Variants in MIA3 observed in about 807,000 individuals in gnomAD.
The protein encoded by MIA3 is transport and Golgi organization protein 1 homolog.
In MIA3, 90 loss-of-function variants were observed where a neutral mutation model predicts 192.4. The ratio of observed to expected loss-of-function variants is 0.47; its 90% CI spans 0.39 to 0.56. The LOEUF is 0.56. Among genes scored for constraint, MIA3 ranks in the 20% least tolerant of loss-of-function variants. The pLI is 0.00. For synonymous variants in MIA3, 740 were observed against 792.8 expected, an observed-to-expected ratio of 0.93 and a Z score of 1.12; for missense variants, 2,123 against 2,269.4, an observed-to-expected ratio of 0.94 and a Z score of 1.31.
intron 6 of MIA3, among the ~76,000 whole-genome samples, chr1:222,643,743 C>G (rs781709182): frequency 8.6e-5 from 13 of 151,898 alleles, no homozygotes; most frequent in Non-Finnish European, 1.5e-4. Context: ...CCAGCCTGGG[C>G]AACATAGGGA....
intron 6 of MIA3, chr1:222,641,899 A>G (rs1662878443): frequency 4.5e-6 from 2 of 449,322 alleles, no homozygotes; most frequent in African/African-American, 2.0e-5. Context: ...AAAATCAAAT[A>G]TCTATCTATA....
chr1:222,629,348 A>G lies in MIA3; in HGVS notation c.2128A>G (p.Ser710Gly), dbSNP rs760055324. The part of the protein sequence containing the change: ...TEVGQTDQTD[S>G]TGGPAFLSKV... ...GGTAGGACAGACAGACCAAACTGAC[A>G]GCACAGGAGGACCAGCTTTCCTTTC... Residue 710 changes from serine (S) to glycine (G), a missense_variant, in exon 4 of 28, where the codon AGC becomes GGC. Physicochemically the swap from Ser to Gly is moderately conservative, Grantham distance 56 (BLOSUM62 0). Around this residue, in one of 3 missense-constraint regions of MIA3, gnomAD observed 1,357 missense variants for 1,396.1 expected, o/e 0.97. Transcript: ENST00000344922. 3 of 1,614,214 alleles carry G rather than the reference A, an allele frequency of 1.9e-6. No individual in the cohort carries two copies. Among genetic ancestry groups the G allele is most frequent in the Non-Finnish European group, 2.5e-6 (3 of 1,180,028 alleles).
In MIA3 at chr1:222,650,809, T is replaced by C. The variant is rs944336646; in HGVS notation, c.3815T>C (p.Leu1272Pro). The C allele has an allele frequency of 1.3e-5, 21 of 1,607,564 alleles. No individual in the cohort carries two copies. Among genetic ancestry groups the C allele is most frequent in the Non-Finnish European group, 1.8e-5 (21 of 1,176,800 alleles). ...TTTTTGTAGGATAAAATCAAGACAC[T>C]TGAAAAAAATCAGGAAATTCTGGAT... is the stretch of plus-strand genomic sequence containing the variant. ...AIKYKDKIKT[L>P]EKNQEILDDT... is the part of the protein sequence containing the mutation. Residue 1272 changes from leucine to proline, a missense_variant, in exon 11 of 28, where the codon CTT becomes CCT. Physicochemically the swap from Leu to Pro is moderately conservative, Grantham distance 98. Coordinates refer to ENST00000344922, the MANE Select transcript of MIA3 (RefSeq NM_198551.4).
Position 222,652,340 on chromosome 1 carries a change from A to G in MIA3, c.4086+8A>G. 6.4e-7 allele frequency: 1 copy of G among 1,569,970 alleles called. No individual in the cohort carries two copies. Among genetic ancestry groups the G allele is most frequent in the South Asian group, 1.1e-5 (1 of 90,258 alleles). On this transcript the variant is annotated splice_region_variant and intron_variant, in intron 13 of 27. Transcript: ENST00000344922. ...AAGAAGAAAAAAGAGCAGGTAAAGG[A>G]AAGTGCGTGTCCCAGGTCATGTAAA...
chr1:222,666,447 T>C lies in MIA3; in HGVS notation c.*828T>C, dbSNP rs1190167253. The C allele has an allele frequency of 6.6e-6, 1 of 152,160 alleles. No individual in the cohort carries two copies. Among genetic ancestry groups the C allele is most frequent in the Non-Finnish European group, 1.5e-5 (1 of 68,038 alleles). 9.4% of individuals were successfully genotyped at this position (152,160 alleles called of 1,614,324 possible). ...GATGTTCCATTGTTTTTACCATTCCTGTAGAAAAAGGGTGCACAACAGAAA... is the reference window on the plus strand; with the variant it reads ...GATGTTCCATTGTTTTTACCATTCCCGTAGAAAAAGGGTGCACAACAGAAA... On this transcript the variant is annotated 3_prime_UTR_variant, in exon 28 of 28. Coordinates refer to ENST00000344922, the MANE Select transcript of MIA3 (RefSeq NM_198551.4).
chr1:222,656,937 A>G (rs1365790441), intron 18 of MIA3, among the ~76,000 whole-genome samples: 2 of 152,148 alleles, frequency 1.3e-5, no homozygotes, highest in Non-Finnish European at 2.9e-5. Context: ...ACTTCCTTCA[A>G]TTTGTAAGGC....
intron 6 of MIA3, among the ~76,000 whole-genome samples, chr1:222,635,799 T>G (rs1662597937): frequency 6.6e-6 from 1 of 152,150 alleles, no homozygotes; most frequent in Non-Finnish European, 1.5e-5. Flanking sequence ...TTCTCAGTAG[T>G]CACAGCAATT....
intron 7 of MIA3, chr1:222,648,017 A>G: frequency 3.8e-6 from 1 of 260,312 alleles, no homozygotes; most frequent in African/African-American, 2.2e-5. Context: ...TCTCATCAAC[A>G]TAACATTTGA....
At chr1:222,635,131 T>C (rs79773217) in intron 6 of MIA3, among the ~76,000 whole-genome samples, 3,562 of 152,334 alleles carry the variant, frequency 0.023, 126 homozygotes, top group African/African-American at 0.081. Flanking sequence ...TCATGTTTGT[T>C]CTGGTGATAG....
chr1:222,627,459 A>C (rs1662171069), intron 3 of MIA3, 116 bp from the exon 4 acceptor site: 1 of 901,018 alleles, frequency 1.1e-6, no homozygotes, highest in African/African-American at 1.7e-5. Context: ...TGTTGACGCA[A>C]AAGCTCCTCT....
chr1:222,649,909 C>G (rs1663334926), intron 8 of MIA3: 1 of 219,898 alleles, frequency 4.5e-6, no homozygotes, highest in African/African-American at 2.3e-5. Context: ...AAAGCGAGAG[C>G]AGGCCATCTT....
intron 2 of MIA3, among the ~76,000 whole-genome samples, 184 bp downstream of exon 2, chr1:222,621,476 G>A (rs1661855769): frequency 6.6e-6 from 1 of 152,172 alleles, no homozygotes; most frequent in Non-Finnish European, 1.5e-5. Flanking sequence ...TAGGGGCTCA[G>A]CAGAGCCTTC....
At chr1:222,620,186 T>A (rs1558168664) in intron 1 of MIA3, among the ~76,000 whole-genome samples, 1 of 152,242 alleles carries the variant, frequency 6.6e-6, no homozygotes, top group Non-Finnish European at 1.5e-5. Flanking sequence ...ATGTATTTTA[T>A]TGCAAATTGG....
At position 222,664,001 on chromosome 1, in the gene MIA3, A is replaced by C. The variant is rs1664151266; in HGVS notation, c.5266A>C (p.Asn1756His). The change falls in exon 27 of 28, where the codon AAT becomes CAT. Residue 1756 changes from asparagine to histidine, a missense_variant. This residue lies in a region of MIA3 where 762 missense variants were observed against 856.4 expected (regional missense o/e 0.89). Coordinates refer to ENST00000344922, the MANE Select transcript of MIA3 (RefSeq NM_198551.4). ...PTRVLDEGKV[N>H]MAPKGPPPFP... ...TTCAATTGTTTCTACTCTGCAGGTT[A>C]ATATGGCTCCAAAAGGGCCCCCTCC... is the stretch of plus-strand genomic sequence containing the variant. 4 of 1,613,028 alleles carry C rather than the reference A, an allele frequency of 2.5e-6. No homozygotes were observed. The highest frequency in any genetic ancestry group is 2.5e-6 in the Non-Finnish European group (3 of 1,179,520).
intron 6 of MIA3, among the ~76,000 whole-genome samples, chr1:222,639,446 A>G (rs1662762004): frequency 6.6e-6 from 1 of 152,296 alleles, no homozygotes; most frequent in East Asian, 1.9e-4. Context: ...AAAGAAAACC[A>G]CAGACCAGTA....
At chr1:222,645,771 T>C in intron 7 of MIA3, 86 bp downstream of exon 7, 2 of 1,209,598 alleles carry the variant, frequency 1.7e-6, no homozygotes, top group Non-Finnish European at 2.3e-6. Flanking sequence ...CAGTTTCTAA[T>C]ATGAACAGAA....
intron 6 of MIA3, among the ~76,000 whole-genome samples, chr1:222,636,403 C>T (rs556707074): frequency 6.6e-6 from 1 of 151,714 alleles, no homozygotes; most frequent in South Asian, 2.1e-4. Flanking sequence ...TGCCCATCCT[C>T]AAGGAATCTT....
At position 222,667,871 on chromosome 1, in the gene MIA3, A is replaced by G. The variant is rs1374837297; in HGVS notation, c.*2252A>G. 2 of 152,226 alleles carry G rather than the reference A, an allele frequency of 1.3e-5. No individual in the cohort carries two copies. Among genetic ancestry groups the G allele is most frequent in the Non-Finnish European group, 2.9e-5 (2 of 68,036 alleles). The allele number at this position is 152,226 out of a possible 1,614,324, so 9.4% of individuals were successfully genotyped here. A position where few individuals can be genotyped will look rare whatever the true frequency, so the allele number is the denominator to read the frequency against. On this transcript the variant is annotated 3_prime_UTR_variant, in exon 28 of 28. Transcript: ENST00000344922. ...TTTCTGCCATAGTTGTTGTAGTTAT[A>G]TCGCCAATGGCTGATTTTTTTCATT...
Position 222,629,086 on chromosome 1 carries a change from A to C in MIA3, c.1866A>C (p.Leu622Phe). 6.2e-7 allele frequency: 1 copy of C among 1,614,242 alleles called. No homozygotes were observed. The highest frequency in any genetic ancestry group is 8.5e-7 in the Non-Finnish European group (1 of 1,180,040). ...AACGTGAGGAATTGAAAGAGGAATTAGTTCTTAAAACTCAAAACCAACCTA... is the reference window on the plus strand; with the variant it reads ...AACGTGAGGAATTGAAAGAGGAATTCGTTCTTAAAACTCAAAACCAACCTA... ...EHQREELKEE[L>F]VLKTQNQPRF... The change falls in exon 4 of 28, where the codon TTA becomes TTC. Residue 622 changes from leucine (L) to phenylalanine (F), a missense_variant. Physicochemically the swap from Leu to Phe is conservative, Grantham distance 22. Transcript: ENST00000344922.
Sources: allele counts gnomAD v4.1 joint callset (sites outside exome capture counted in the v4.1 genomes callset), GRCh38; gene constraint gnomAD v4.1.1; regional missense constraint gnomAD v4.1.1; transcripts MANE v1.5; gene names NCBI Gene and HGNC (gene_info 2026-07-23, HGNC 2026-07-21).